Variants in OSBPL1A observed in about 807,000 individuals in gnomAD.
The protein encoded by OSBPL1A is oxysterol-binding protein-related protein 1.
OSBPL1A carries 80 observed loss-of-function variants against 137.1 expected under a neutral mutation model. The observed-to-expected ratio is 0.58, with a 90% CI of 0.49 to 0.70. The LOEUF is 0.70. Among genes scored for constraint, OSBPL1A ranks in the 30% least tolerant of loss-of-function variants. The probability of loss-of-function intolerance (pLI) is 0.00; values close to 1 mark genes in which losing one functional copy is unlikely to be tolerated. For synonymous variants in OSBPL1A, 365 were observed against 389.7 expected (o/e 0.94, Z 0.75); for missense variants, 970 against 1,129.4 (o/e 0.86, Z 2.02).
chr18:24,368,422 T>C (rs781158848), intron 2 of OSBPL1A, 50 bp from the exon 3 acceptor site: 26 of 1,369,938 alleles, frequency 1.9e-5, no homozygotes, highest in Non-Finnish European at 2.5e-5. Flanking sequence ...TAGGTAATTT[T>C]ACAACGAAAT....
At chr18:24,301,866 C>T (rs567508433) in intron 14 of OSBPL1A, among the ~76,000 whole-genome samples, 2 of 152,290 alleles carry the variant, frequency 1.3e-5, no homozygotes, top group African/African-American at 2.4e-5. Flanking sequence ...ATTAACATTT[C>T]CTCACATTCT....
intron 16 of OSBPL1A, among the ~76,000 whole-genome samples, chr18:24,237,681 T>A (rs2088533985): frequency 6.6e-6 from 1 of 152,212 alleles, no homozygotes; most frequent in South Asian, 2.1e-4. Context: ...TTCCAAGCTC[T>A]ATGCATTTAG....
At chr18:24,208,034 C>T (rs777758083) in intron 17 of OSBPL1A, among the ~76,000 whole-genome samples, 2 of 152,132 alleles carry the variant, frequency 1.3e-5, no homozygotes, top group African/African-American at 2.4e-5. Context: ...CATGAACCAC[C>T]GCGCCCTGCC....
chr18:24,310,845 T>C (rs550537330), intron 13 of OSBPL1A, among the ~76,000 whole-genome samples: 106 of 152,306 alleles, frequency 7.0e-4, no homozygotes, highest in African/African-American at 2.3e-3. Flanking sequence ...AGTTAAAATA[T>C]TTAGCATCGT....
intron 24 of OSBPL1A, among the ~76,000 whole-genome samples, chr18:24,168,562 G>A (rs971857587): frequency 2.0e-5 from 3 of 152,146 alleles, no homozygotes; most frequent in African/African-American, 4.8e-5. Flanking sequence ...GGTCACGACC[G>A]CTTTTTAGAC....
At chr18:24,263,353 TGA>T (rs1227552634) in intron 15 of OSBPL1A, among the ~76,000 whole-genome samples, 1 of 152,198 alleles carries the variant, frequency 6.6e-6, no homozygotes, top group African/African-American at 2.4e-5. Flanking sequence ...CACAATCTTG[TGA>T]GGTTTGCCAC....
chr18:24,369,234 G>C (rs1905419190), intron 2 of OSBPL1A, among the ~76,000 whole-genome samples: 1 of 152,240 alleles, frequency 6.6e-6, no homozygotes, highest in South Asian at 2.1e-4. Flanking sequence ...AGGTGAAAGA[G>C]AGGACCGAAG....
chr18:24,282,860 G>A (rs1000907139), intron 14 of OSBPL1A, among the ~76,000 whole-genome samples: 2 of 152,112 alleles, frequency 1.3e-5, no homozygotes, highest in African/African-American at 2.4e-5. Flanking sequence ...TGTAATCCTC[G>A]CACTTTGAGA....
In OSBPL1A at chr18:24,220,572, C is replaced by G. The variant is rs56043080; in HGVS notation, c.1601+4470G>C. Among the ~76,000 whole-genome samples, 344 of 152,250 alleles carry G rather than the reference C, an allele frequency of 2.3e-3. 1 individual carries two copies. Among genetic ancestry groups the G allele is most frequent in the Non-Finnish European group, 4.1e-3 (276 of 68,010 alleles). On this transcript the variant is annotated intron_variant, in intron 17 of 27. Coordinates refer to ENST00000319481, the MANE Select transcript of OSBPL1A (RefSeq NM_080597.4). The stretch of plus-strand genomic sequence containing the variant: ...GCTCATTCTGGGCAGGGCTCTTGCT[C>G]TTTTCCTTACTGCTCACTGCTCCTG...
At chr18:24,268,121 A>AT (rs1478478629) in intron 15 of OSBPL1A, among the ~76,000 whole-genome samples, 4 of 151,348 alleles carry the variant, frequency 2.6e-5, no homozygotes, top group African/African-American at 9.7e-5. Context: ...TTTGTTGTTT[A>AT]TTTTTTATTT....
At chr18:24,248,226 A>C (rs1010839438) in intron 15 of OSBPL1A, among the ~76,000 whole-genome samples, 1 of 152,340 alleles carries the variant, frequency 6.6e-6, no homozygotes, top group Non-Finnish European at 1.5e-5. Flanking sequence ...GAAACAGACA[A>C]AGATGTCCTC....
chr18:24,341,327 C>T (rs2091269991), intron 5 of OSBPL1A, among the ~76,000 whole-genome samples: 1 of 152,156 alleles, frequency 6.6e-6, no homozygotes. Context: ...ATTTTTAAAA[C>T]TTGCCATAAT....
At position 24,321,874 on chromosome 18, in the gene OSBPL1A, C is replaced by T. The variant is rs1253396491; in HGVS notation, c.626-3065G>A. ...AAGTTCTGGAGGAGGGTGATGGGTA[C>T]ATCAATTAATTATGCTATTTGATTT... On this transcript the variant is annotated intron_variant, in intron 7 of 27. Transcript: ENST00000319481. The T allele has an allele frequency of 1.5e-5, 5 of 342,202 alleles. No individual in the cohort carries two copies. In the East Asian group the frequency reaches 4.6e-4, roughly 31 times the overall value. 21.2% of individuals were successfully genotyped at this position (342,202 alleles called of 1,614,324 possible).
At chr18:24,206,749 T>C (rs902966094) in intron 17 of OSBPL1A, among the ~76,000 whole-genome samples, 7 of 152,194 alleles carry the variant, frequency 4.6e-5, no homozygotes, top group Non-Finnish European at 8.8e-5. Flanking sequence ...AATGGGATTT[T>C]GAAAGCAACT....
At position 24,332,998 on chromosome 18, in the gene OSBPL1A, T is replaced by G. The variant is rs112852752; in HGVS notation, c.569A>C (p.Gln190Pro). 2.8e-5 allele frequency: 45 copies of G among 1,614,196 alleles called. No individual in the cohort carries two copies. Among genetic ancestry groups the G allele is most frequent in the African/African-American group, 2.3e-4 (17 of 75,056 alleles). ...LHCAAYRAHK[Q>P]CALKLLRSGA... ...ACTTCTTAGAAGCTTTAAGGCACAT[T>G]GTTTATGGGCCCGGTAAGCTGCACA... The change falls in exon 7 of 28, where the codon CAA becomes CCA. Residue 190 changes from glutamine to proline, a missense_variant. Around this residue, in one of 2 missense-constraint regions of OSBPL1A, gnomAD observed 647 missense variants for 672.6 expected, o/e 0.96. Transcript: ENST00000319481.
At chr18:24,296,549 A>C (rs2090296056) in intron 14 of OSBPL1A, among the ~76,000 whole-genome samples, 1 of 152,130 alleles carries the variant, frequency 6.6e-6, no homozygotes, top group South Asian at 2.1e-4. Flanking sequence ...GTTGAATAGG[A>C]AGTGGTAAAA....
chr18:24,396,700 G>A (rs1416650514), intron 1 of OSBPL1A, among the ~76,000 whole-genome samples: 1 of 151,950 alleles, frequency 6.6e-6, no homozygotes, highest in African/African-American at 2.4e-5. Context: ...AGGGAGGGGG[G>A]TGGTTCAGAA....
At chr18:24,248,974 T>C (rs1458268864) in intron 15 of OSBPL1A, among the ~76,000 whole-genome samples, 1 of 152,252 alleles carries the variant, frequency 6.6e-6, no homozygotes, top group Non-Finnish European at 1.5e-5. Context: ...GAACGCGTCT[T>C]CTGAAACAAA....
chr18:24,249,997 T>G (rs1252586079), intron 15 of OSBPL1A, among the ~76,000 whole-genome samples: 3 of 152,070 alleles, frequency 2.0e-5, no homozygotes, highest in African/African-American at 7.2e-5. Flanking sequence ...AATGAAAGTG[T>G]CTCTTTCCTT....
Sources: gnomAD v4.1 joint callset for allele counts (sites outside exome capture counted in the v4.1 genomes callset) on GRCh38, gnomAD v4.1.1 for gene constraint, gnomAD v4.1.1 regional missense constraint, MANE v1.5 for transcripts, NCBI Gene and HGNC (gene_info 2026-07-23, HGNC 2026-07-21) for gene names.